Variants in DPEP1 observed in about 807,000 individuals in gnomAD.
DPEP1 encodes beta-lactamase.
Under a neutral mutation model 42.3 loss-of-function variants are expected in DPEP1, and 50 were observed. That is an observed-to-expected ratio of 1.18 (90% CI 0.94 to 1.50). DPEP1 has a LOEUF of 1.50. Among genes scored for constraint, DPEP1 ranks in the 40% most tolerant of loss-of-function variants. The probability of loss-of-function intolerance (pLI) is 0.00; values close to 1 mark genes in which losing one functional copy is unlikely to be tolerated. For missense variants in DPEP1, 663 were observed against 553.0 expected (o/e 1.20, Z -1.99); for synonymous variants, 297 against 234.0 (o/e 1.27, Z -2.46).
chr16:89,633,313 G>A (rs1243266417), intron 2 of DPEP1, among the ~76,000 whole-genome samples: 2 of 152,254 alleles, frequency 1.3e-5, no homozygotes, highest in African/African-American at 2.4e-5. Flanking sequence ...CCTCGCTGAC[G>A]CAGGAGCTTT....
rs1411779021 is a variant in DPEP1, at chr16:89,637,513, A to G, written c.814A>G (p.Ile272Val). ...GATGGTGAACTTCTACAACAATTAC[A>G]TTTCCTGCACCAACAAGGCCAACCT... Reference protein sequence around the residue: ...LVMVNFYNNYISCTNKANLSQ... With the variant: ...LVMVNFYNNYVSCTNKANLSQ... The change falls in exon 8 of 11, where the codon ATT becomes GTT. Residue 272 changes from isoleucine (I) to valine (V), a missense_variant. Physicochemically the swap from Ile to Val is conservative, Grantham distance 29 (BLOSUM62 3). Coordinates refer to ENST00000690203, the MANE Select transcript of DPEP1 (RefSeq NM_001389466.1). 4 of 1,612,646 alleles carry G rather than the reference A, an allele frequency of 2.5e-6. No individual in the cohort carries two copies. Among genetic ancestry groups the G allele is most frequent in the Non-Finnish European group, 8.5e-7 (1 of 1,179,950 alleles).
At chr16:89,633,488 A>G (rs1321333286) in intron 2 of DPEP1, among the ~76,000 whole-genome samples, 1 of 152,234 alleles carries the variant, frequency 6.6e-6, no homozygotes, top group Non-Finnish European at 1.5e-5. Context: ...GAGGAGCTCC[A>G]TGGGTGCATT....
At chr16:89,623,837 C>G (rs1159692670) in intron 1 of DPEP1, among the ~76,000 whole-genome samples, 1 of 152,078 alleles carries the variant, frequency 6.6e-6, no homozygotes, top group Non-Finnish European at 1.5e-5. Context: ...ATACGGGCGA[C>G]TGGAAATTCC....
intron 5 of DPEP1, 36 bp from the exon 6 acceptor site, chr16:89,636,830 G>T (rs1393027112): frequency 1.9e-6 from 3 of 1,610,890 alleles, no homozygotes; most frequent in Non-Finnish European, 2.5e-6. Context: ...CGAGACCACC[G>T]CTCACCTCTT....
chr16:89,641,259 T>A (rs754883115), downstream of DPEP1, among the ~76,000 whole-genome samples: 1 of 151,646 alleles, frequency 6.6e-6, no homozygotes, highest in African/African-American at 2.4e-5. Context: ...CCACAAGAGA[T>A]GGTGGAGCAG....
intron 1 of DPEP1, among the ~76,000 whole-genome samples, chr16:89,617,619 C>CGGT (rs2059392534): frequency 6.8e-6 from 1 of 146,140 alleles, no homozygotes. Flanking sequence ...AGGCCGGGCG[C>CGGT]GGCGGCTCAC....
In DPEP1 at chr16:89,636,775, C is replaced by T. The variant is rs1189928299; in HGVS notation, c.522-91C>T. 2.5e-6 allele frequency: 4 copies of T among 1,601,388 alleles called. No individual in the cohort carries two copies. In the African/African-American group the frequency reaches 5.3e-5, roughly 21 times the overall value. ...ACCCTCCAGAGCCCATCCCCTCTGCCTGTGAGTCCCAGGCCGGGCCTCGCC... is the reference window on the plus strand; with the variant it reads ...ACCCTCCAGAGCCCATCCCCTCTGCTTGTGAGTCCCAGGCCGGGCCTCGCC... On this transcript the variant is annotated intron_variant, in intron 5 of 10. Coordinates refer to ENST00000690203, the MANE Select transcript of DPEP1 (RefSeq NM_001389466.1).
intron 2 of DPEP1, among the ~76,000 whole-genome samples, chr16:89,634,303 G>A (rs1220618455): frequency 6.6e-6 from 1 of 151,996 alleles, no homozygotes; most frequent in African/African-American, 2.4e-5. Context: ...TAGCCAGGAT[G>A]ATCTCGATCT....
chr16:89,615,360 G>GCACC (rs2059371072), intron 1 of DPEP1, among the ~76,000 whole-genome samples: 1 of 152,174 alleles, frequency 6.6e-6, no homozygotes, highest in Non-Finnish European at 1.5e-5. Flanking sequence ...GGGCCTGGCA[G>GCACC]GGCAGTGGTG....
In DPEP1 at chr16:89,636,651, C is replaced by T; in HGVS notation, c.489C>T (p.Tyr163=). 3 of 1,612,580 alleles carry T rather than the reference C, an allele frequency of 1.9e-6. No homozygotes were observed. The highest frequency in any genetic ancestry group is 2.5e-6 in the Non-Finnish European group (3 of 1,179,938). The stretch of plus-strand genomic sequence containing the variant: ...CACTCTATCAGCTGGGCATGCGGTA[C>T]CTGACCCTCACCCACAGCTGCAACA... The part of the protein sequence containing the change: ...LRALYQLGMR[Y]LTLTHSCNTP... Residue 163 remains tyrosine (Y), a synonymous_variant, in exon 5 of 11, where the codon TAC becomes TAT. Transcript: ENST00000690203.
intron 1 of DPEP1, among the ~76,000 whole-genome samples, chr16:89,625,205 C>T (rs913383572): frequency 6.6e-6 from 1 of 152,146 alleles, no homozygotes; most frequent in East Asian, 1.9e-4. Context: ...CACAAATTAG[C>T]GTCCCATTCC....
intron 2 of DPEP1, among the ~76,000 whole-genome samples, chr16:89,632,710 C>T (rs1267255470): frequency 6.6e-6 from 1 of 152,152 alleles, no homozygotes; most frequent in Non-Finnish European, 1.5e-5. Context: ...GGCAGGGCCT[C>T]CCTCCCACTG....
intron 10 of DPEP1, 35 bp downstream of exon 10, chr16:89,638,006 C>T: frequency 1.2e-6 from 2 of 1,608,840 alleles, no homozygotes; most frequent in South Asian, 1.1e-5. Context: ...TCTCCCCCAC[C>T]ACCACCAGCA....
chr16:89,636,487 C>G (rs778392086), intron 4 of DPEP1, 46 bp from the exon 5 acceptor site: 7 of 1,601,182 alleles, frequency 4.4e-6, no homozygotes, highest in Non-Finnish European at 6.0e-6. Context: ...ACCTCACCCT[C>G]CAGATACCAG....
intron 1 of DPEP1, among the ~76,000 whole-genome samples, chr16:89,614,181 A>G (rs2059358880): frequency 6.6e-6 from 1 of 152,030 alleles, no homozygotes; most frequent in Admixed American, 6.6e-5. Context: ...CTGTCCTCCC[A>G]CTGGCCCTCC....
At chr16:89,617,916 C>T (rs554060269) in intron 1 of DPEP1, among the ~76,000 whole-genome samples, 11 of 152,042 alleles carry the variant, frequency 7.2e-5, no homozygotes, top group Admixed American at 1.3e-4. Context: ...CCCAGCTACT[C>T]GGGAGGCTGA....
chr16:89,615,409 C>T (rs1185257226), intron 1 of DPEP1, among the ~76,000 whole-genome samples: 1 of 152,182 alleles, frequency 6.6e-6, no homozygotes, highest in Non-Finnish European at 1.5e-5. Context: ...GGACCTGTGT[C>T]CTGTGCGTAC....
chr16:89,639,100 C>CATA (rs142305008), downstream of DPEP1, among the ~76,000 whole-genome samples: 1 of 26,640 alleles, frequency 3.8e-5, no homozygotes. Context: ...CACACACACA[C>CATA]CCCCACCCCT....
intron 1 of DPEP1, among the ~76,000 whole-genome samples, chr16:89,627,006 A>G (rs1484726080): frequency 6.6e-6 from 1 of 152,034 alleles, no homozygotes; most frequent in Non-Finnish European, 1.5e-5. Context: ...TCACACCTGT[A>G]ATCCCAACAC....
Sources: allele counts gnomAD v4.1 joint callset (sites outside exome capture counted in the v4.1 genomes callset), GRCh38; gene constraint gnomAD v4.1.1; transcripts MANE v1.5; gene names NCBI Gene and HGNC (gene_info 2026-07-23, HGNC 2026-07-21).